PDE4B: variants seen among roughly 807,000 people sequenced by gnomAD.
PDE4B encodes phosphodiesterase 4B, also known as 3',5'-cyclic-AMP phosphodiesterase 4B.
PDE4B carries 20 observed loss-of-function variants against 82.2 expected under a neutral mutation model. The ratio of observed to expected loss-of-function variants is 0.24; its 90% CI spans 0.17 to 0.35. PDE4B has a LOEUF of 0.35. PDE4B is among the 10% of genes least tolerant of loss of function. The pLI is 1.00. For missense variants in PDE4B, 655 were observed against 907.2 expected (o/e 0.72, Z 3.57); for synonymous variants, 320 against 318.9 (o/e 1.00, Z -0.04).
chr1:66,048,364 G>A (rs1365898811), intron 3 of PDE4B, among the ~76,000 whole-genome samples: 2 of 151,976 alleles, frequency 1.3e-5, no homozygotes, highest in African/African-American at 2.4e-5. Flanking sequence ...ATCTTTTCTT[G>A]CAGTCAATAA....
intron 3 of PDE4B, among the ~76,000 whole-genome samples, chr1:65,947,455 A>G (rs941425183): frequency 2.6e-5 from 4 of 151,886 alleles, no homozygotes; most frequent in Non-Finnish European, 5.9e-5. Context: ...AATTTTTGCC[A>G]TTTCCTTGAG....
At chr1:65,794,798 C>T (rs1570940408) in intron 1 of PDE4B, among the ~76,000 whole-genome samples, 2 of 152,248 alleles carry the variant, frequency 1.3e-5, no homozygotes, top group East Asian at 3.9e-4. Context: ...ATGGCATGAT[C>T]GATGCATTGA....
intron 3 of PDE4B, among the ~76,000 whole-genome samples, chr1:65,965,827 G>A (rs942895649): frequency 1.1e-4 from 16 of 152,050 alleles, no homozygotes; most frequent in Admixed American, 9.2e-4. Context: ...TGCAGAAAAG[G>A]CCTGCAACAA....
At chr1:65,850,032 A>G (rs1646312281) in intron 1 of PDE4B, among the ~76,000 whole-genome samples, 1 of 150,900 alleles carries the variant, frequency 6.6e-6, no homozygotes, top group Non-Finnish European at 1.5e-5. Flanking sequence ...CAGTTGCACC[A>G]TTCGCATTCC....
intron 7 of PDE4B, among the ~76,000 whole-genome samples, chr1:66,270,391 G>A (rs934286321): frequency 2.0e-5 from 3 of 152,194 alleles, no homozygotes; most frequent in Non-Finnish European, 2.9e-5. Context: ...CCCTCCGGAG[G>A]TTCATGTGGG....
intron 3 of PDE4B, chr1:65,992,773 A>T: frequency 7.0e-7 from 1 of 1,419,076 alleles, no homozygotes; most frequent in East Asian, 2.6e-5. Flanking sequence ...AGACGCTCAT[A>T]CATTGGAGTC....
intron 7 of PDE4B, among the ~76,000 whole-genome samples, chr1:66,313,707 T>TA (rs1466624463): frequency 1.3e-5 from 2 of 152,072 alleles, no homozygotes; most frequent in Non-Finnish European, 2.9e-5. Flanking sequence ...ACTGAGGAAA[T>TA]GGGGGTAGAG....
chr1:66,192,798 T>A (rs571023199), intron 3 of PDE4B, among the ~76,000 whole-genome samples: 1 of 152,220 alleles, frequency 6.6e-6, no homozygotes, highest in South Asian at 2.1e-4. Flanking sequence ...CAATTAATAA[T>A]AATAATAATA....
chr1:66,291,939 T>G (rs951217626), intron 7 of PDE4B, among the ~76,000 whole-genome samples: 1 of 152,194 alleles, frequency 6.6e-6, no homozygotes, highest in African/African-American at 2.4e-5. Context: ...TGTGAATTGT[T>G]TTTTTCATAA....
chr1:66,089,937 C>T (rs1055338150), intron 3 of PDE4B, among the ~76,000 whole-genome samples: 28 of 152,136 alleles, frequency 1.8e-4, no homozygotes, highest in Middle Eastern at 3.4e-3. Context: ...AAGATTTTAT[C>T]TATTTGTATA....
chr1:66,161,792 C>T (rs551655594), intron 3 of PDE4B, among the ~76,000 whole-genome samples: 1 of 152,218 alleles, frequency 6.6e-6, no homozygotes, highest in South Asian at 2.1e-4. Flanking sequence ...GAATAAGTCA[C>T]TTACCCCATT....
chr1:66,305,642 G>A (rs1015734518), intron 7 of PDE4B, among the ~76,000 whole-genome samples: 8 of 152,044 alleles, frequency 5.3e-5, no homozygotes, highest in Admixed American at 4.6e-4. Context: ...GACAAAATCC[G>A]AATCTAAGCA....
intron 1 of PDE4B, among the ~76,000 whole-genome samples, chr1:65,839,715 A>C (rs1646184977): frequency 6.6e-6 from 1 of 152,192 alleles, no homozygotes; most frequent in Admixed American, 6.5e-5. Context: ...TATTGTGAAC[A>C]GTGCTACAAT....
intron 2 of PDE4B, among the ~76,000 whole-genome samples, chr1:65,917,438 T>C (rs902695412): frequency 1.3e-5 from 2 of 152,228 alleles, no homozygotes; most frequent in African/African-American, 4.8e-5. Context: ...TATTCCCTGC[T>C]AGCTAAGTGT....
intron 1 of PDE4B, among the ~76,000 whole-genome samples, chr1:65,897,184 G>A (rs565826392): frequency 6.6e-4 from 101 of 152,188 alleles, no homozygotes; most frequent in African/African-American, 2.4e-3. Context: ...ATTGCTGAAT[G>A]TTCCACAGTT....
At chr1:66,330,340 A>C (rs1386962352) in intron 7 of PDE4B, among the ~76,000 whole-genome samples, 1 of 151,770 alleles carries the variant, frequency 6.6e-6, no homozygotes, top group Admixed American at 6.6e-5. Context: ...GTAGACAATG[A>C]ATGAGCTCAC....
At chr1:66,250,531 A>C (rs1358889819) in intron 4 of PDE4B, among the ~76,000 whole-genome samples, 1 of 152,232 alleles carries the variant, frequency 6.6e-6, no homozygotes, top group Non-Finnish European at 1.5e-5. Flanking sequence ...AGTAGCTTTA[A>C]CTTTGAGCAA....
chr1:65,889,347 G>T (rs184524278), intron 1 of PDE4B, among the ~76,000 whole-genome samples: 4 of 152,048 alleles, frequency 2.6e-5, no homozygotes, highest in African/African-American at 9.6e-5. Flanking sequence ...GTGTTTTGTT[G>T]AGGATTTATG....
chr1:65,885,887 T>C (rs1412663808), intron 1 of PDE4B, among the ~76,000 whole-genome samples: 1 of 148,098 alleles, frequency 6.8e-6, no homozygotes, highest in Non-Finnish European at 1.5e-5. Flanking sequence ...ATAATAATAA[T>C]AATAATAATA....
Sources: allele counts gnomAD v4.1 joint callset (sites outside exome capture counted in the v4.1 genomes callset), GRCh38; gene constraint gnomAD v4.1.1; transcripts MANE v1.5; gene names NCBI Gene and HGNC (gene_info 2026-07-23, HGNC 2026-07-21).